The following PARD3B variants were observed in gnomAD, a reference collection of about 807,000 sequenced individuals.
PARD3B encodes par-3 family cell polarity regulator beta.
In PARD3B, 103 loss-of-function variants were observed where a neutral mutation model predicts 130.2. That is an observed-to-expected ratio of 0.79 (90% CI 0.67 to 0.93). The LOEUF (loss-of-function observed/expected upper bound fraction) is 0.93. Among genes scored for constraint, PARD3B ranks in the 40% least tolerant of loss-of-function variants. PARD3B has a pLI of 0.00. For missense variants in PARD3B, 1,609 were observed against 1,499.2 expected (o/e 1.07, Z -1.21); for synonymous variants, 583 against 553.2 (o/e 1.05, Z -0.76).
At position 204,998,460 on chromosome 2, in the gene PARD3B, T is replaced by TATATATGTATATATATGTGAATATA. The variant is rs1694518790; in HGVS notation, c.394+33156_394+33157insAATATAATATATGTATATATATGTG. On this transcript the variant is annotated intron_variant, in intron 3 of 22. Coordinates refer to ENST00000406610, the MANE Select transcript of PARD3B (RefSeq NM_001302769.2). ...TGTGTGTGTATATATATGTGTATAT[T>TATATATGTATATATATGTGAATATA]ATATATGTATATATATGTGTATATA... Among the ~76,000 whole-genome samples the TATATATGTATATATATGTGAATATA allele has an allele frequency of 1.0e-4, 8 of 78,284 alleles. 1 individual carries two copies. In the Admixed American group the frequency reaches 1.3e-3, roughly 13 times the overall value. The allele number at this position is 78,284 out of a possible 152,430, so 51.4% of individuals were successfully genotyped here.
rs573093760 is a variant in PARD3B at position 205,341,959 on chromosome 2, T to C, written c.2630+40258T>C. Reference sequence around the variant, plus strand: ...TCTTATGGGACCACTGTCATATATGTATGTGGTCCCTAGTTAATCAAAACA... The same window carrying C: ...TCTTATGGGACCACTGTCATATATGCATGTGGTCCCTAGTTAATCAAAACA... On this transcript the variant is annotated intron_variant, in intron 18 of 22. Transcript: ENST00000406610. The surrounding 1 kb of genome is among the most constrained non-coding windows in gnomAD (Gnocchi z 4.3). Among the ~76,000 whole-genome samples the C allele has an allele frequency of 1.8e-4, 27 of 152,240 alleles. No homozygotes were observed. Among genetic ancestry groups the C allele is most frequent in the African/African-American group, 5.5e-4 (23 of 41,572 alleles).
At chr2:205,249,413 A>G (rs929069023) in intron 16 of PARD3B, among the ~76,000 whole-genome samples, 4 of 152,048 alleles carry the variant, frequency 2.6e-5, no homozygotes, top group African/African-American at 4.8e-5. Flanking sequence ...GTAAAGAGCT[A>G]TTTCGTGCCA....
intron 2 of PARD3B, among the ~76,000 whole-genome samples, chr2:204,793,942 C>A (rs562716342): frequency 2.6e-4 from 40 of 152,246 alleles, no homozygotes; most frequent in Admixed American, 2.5e-3. Context: ...AGTAGTATTA[C>A]AAATCATAAC....
intron 20 of PARD3B, among the ~76,000 whole-genome samples, chr2:205,469,110 G>A (rs1176628806): frequency 6.6e-6 from 1 of 152,024 alleles, no homozygotes; most frequent in East Asian, 1.9e-4. Context: ...CTGTTAACTT[G>A]TTTGTTTCCT....
chr2:205,309,292 T>C lies in PARD3B; in HGVS notation c.2630+7591T>C, dbSNP rs2042293356. Among the ~76,000 whole-genome samples the C allele has an allele frequency of 6.6e-6, 1 of 152,192 alleles. No homozygotes were observed. Among genetic ancestry groups the C allele is most frequent in the Non-Finnish European group, 1.5e-5 (1 of 68,034 alleles). On this transcript the variant is annotated intron_variant, in intron 18 of 22. Coordinates refer to ENST00000406610, the MANE Select transcript of PARD3B (RefSeq NM_001302769.2). The surrounding 1 kb of genome is among the most constrained non-coding windows in gnomAD (Gnocchi z 4.7). ...CTCCTACCTCATCAGCTGGATATTC[T>C]TTATTGTTTCTTCTCAACTCAGATA...
chr2:205,574,790 A>T (rs982418936), intron 22 of PARD3B, among the ~76,000 whole-genome samples: 3 of 148,464 alleles, frequency 2.0e-5, no homozygotes, highest in Non-Finnish European at 4.5e-5. Context: ...TGACAAGGAG[A>T]TGGGGAAAGA....
At position 205,015,108 on chromosome 2, in the gene PARD3B, C is replaced by T. The variant is rs1165904796; in HGVS notation, c.395-32473C>T. Among the ~76,000 whole-genome samples the T allele has an allele frequency of 6.6e-6, 1 of 152,014 alleles. No individual in the cohort carries two copies. Among genetic ancestry groups the T allele is most frequent in the Non-Finnish European group, 1.5e-5 (1 of 68,018 alleles). ...ACCTATTGTTGACCAGAAGCCTTAC[C>T]AATAACATAAACAGTTGATTAACAC... On this transcript the variant is annotated intron_variant, in intron 3 of 22. Coordinates refer to ENST00000406610, the MANE Select transcript of PARD3B (RefSeq NM_001302769.2). This position sits in a 1 kb window ranked among gnomAD's most constrained non-coding sequence, Gnocchi z 4.5.
At chr2:204,966,608 G>A (rs764428843) in intron 3 of PARD3B, among the ~76,000 whole-genome samples, 7 of 152,110 alleles carry the variant, frequency 4.6e-5, no homozygotes, top group Admixed American at 6.5e-5. Flanking sequence ...TCAAATGGCC[G>A]AACCTCAGAG....
intron 2 of PARD3B, among the ~76,000 whole-genome samples, chr2:204,706,394 A>G (rs2038161313): frequency 6.6e-6 from 1 of 151,666 alleles, no homozygotes; most frequent in Non-Finnish European, 1.5e-5. Context: ...AAGAAAAAGA[A>G]AAGGGTAAGG....
In PARD3B at chr2:205,446,875, C is replaced by T. The variant is rs2047924924; in HGVS notation, c.3044+6203C>T. On this transcript the variant is annotated intron_variant, in intron 20 of 22. Transcript: ENST00000406610. This position sits in a 1 kb window ranked among gnomAD's most constrained non-coding sequence, Gnocchi z 4.4. ...CTCCCAGAGTGTATGAACATGAAAA[C>T]TTTATGTCTGGATGAGGACAAAACA... 6.6e-6 allele frequency among the ~76,000 whole-genome samples: 1 copy of T among 152,144 alleles called. No homozygotes were observed. The highest frequency in any genetic ancestry group is 2.1e-4 in the South Asian group (1 of 4,828).
In PARD3B at chr2:205,336,757, G is replaced by A. The variant is rs558921123; in HGVS notation, c.2630+35056G>A. ...TGTTACAGTGCACAGTAACCATTAA[G>A]AAGAGATGAACATGTGTGCAAGGAC... On this transcript the variant is annotated intron_variant, in intron 18 of 22. Coordinates refer to ENST00000406610, the MANE Select transcript of PARD3B (RefSeq NM_001302769.2). Among the ~76,000 whole-genome samples the A allele has an allele frequency of 9.2e-5, 14 of 152,320 alleles. No homozygotes were observed. The South Asian group carries it at 2.9e-3, about 32-fold the overall frequency.
intron 3 of PARD3B, among the ~76,000 whole-genome samples, chr2:204,999,423 C>T (rs946032578): frequency 1.3e-5 from 2 of 152,048 alleles, no homozygotes; most frequent in Non-Finnish European, 2.9e-5. Context: ...TTCATGAAAC[C>T]TTTTTCTATG....
At position 205,287,355 on chromosome 2, in the gene PARD3B, C is replaced by T. The variant is rs1559623773; in HGVS notation, c.2186-13175C>T. 1.3e-5 allele frequency among the ~76,000 whole-genome samples: 2 copies of T among 152,216 alleles called. No homozygotes were observed. Among genetic ancestry groups the T allele is most frequent in the East Asian group, 1.9e-4 (1 of 5,196 alleles). On this transcript the variant is annotated intron_variant, in intron 16 of 22. Coordinates refer to ENST00000406610, the MANE Select transcript of PARD3B (RefSeq NM_001302769.2). The surrounding 1 kb of genome is among the most constrained non-coding windows in gnomAD (Gnocchi z 4.8). ...GAGGAACATCCACAAAGAAATGTAG[C>T]TGCACCCAGGGTCTCCATGTCAGCA... is the stretch of plus-strand genomic sequence containing the variant.
intron 2 of PARD3B, among the ~76,000 whole-genome samples, chr2:204,962,941 T>C (rs10490278): frequency 0.094 from 14,262 of 151,988 alleles, 825 homozygotes; most frequent in Non-Finnish European, 0.13. Context: ...CTTACTATTA[T>C]CATCTTCAAG....
intron 2 of PARD3B, among the ~76,000 whole-genome samples, chr2:204,800,039 C>T (rs1283821005): frequency 6.6e-6 from 1 of 152,160 alleles, no homozygotes; most frequent in Non-Finnish European, 1.5e-5. Flanking sequence ...AATAAAGTAC[C>T]AGTGACTAAT....
intron 18 of PARD3B, among the ~76,000 whole-genome samples, chr2:205,317,454 T>C (rs940783057): frequency 5.9e-5 from 9 of 152,168 alleles, no homozygotes; most frequent in African/African-American, 2.2e-4. Context: ...TATTAACTTG[T>C]CAAAATGGAA....
chr2:205,117,543 A>G (rs61569736), intron 6 of PARD3B, among the ~76,000 whole-genome samples: 6 of 152,230 alleles, frequency 3.9e-5, no homozygotes, highest in African/African-American at 1.4e-4. Flanking sequence ...TAATACTTGC[A>G]TTGTAGATTC....
chr2:204,811,487 T>C (rs1260972325), intron 2 of PARD3B, among the ~76,000 whole-genome samples: 1 of 152,174 alleles, frequency 6.6e-6, no homozygotes, highest in African/African-American at 2.4e-5. Flanking sequence ...ACATGACTTG[T>C]AGATTTCTGA....
At chr2:205,542,942 G>A (rs2052224718) in intron 21 of PARD3B, among the ~76,000 whole-genome samples, 1 of 152,294 alleles carries the variant, frequency 6.6e-6, no homozygotes, top group Non-Finnish European at 1.5e-5. Flanking sequence ...GATGTCATGA[G>A]GGTAAAGCTC....
Sources: allele counts gnomAD v4.1 joint callset (sites outside exome capture counted in the v4.1 genomes callset), GRCh38; gene constraint gnomAD v4.1.1; non-coding constraint Gnocchi (gnomAD v3.1); transcripts MANE v1.5; gene names NCBI Gene and HGNC (gene_info 2026-07-23, HGNC 2026-07-21).